The following ARHGEF37 variants were observed in gnomAD, a reference collection of about 807,000 sequenced individuals.
ARHGEF37 encodes Rho guanine nucleotide exchange factor (GEF) 37.
A neutral mutation model predicts 71.1 loss-of-function variants in ARHGEF37; 55 were observed. That is an observed-to-expected ratio of 0.77 (90% CI 0.62 to 0.97). The LOEUF is 0.97. Ranked by LOEUF, ARHGEF37 falls within the 50% of genes least tolerant of loss-of-function variation. The pLI, the probability that ARHGEF37 is intolerant of heterozygous loss-of-function variation, is 0.00. For missense variants in ARHGEF37, 765 were observed against 836.8 expected (o/e 0.91, Z 1.06); for synonymous variants, 327 against 350.6 (o/e 0.93, Z 0.75).
At chr5:149,583,829 C>T (rs1350284485) in intron 1 of ARHGEF37, among the ~76,000 whole-genome samples, 1 of 152,138 alleles carries the variant, frequency 6.6e-6, no homozygotes, top group African/African-American at 2.4e-5. Context: ...GATGCAGTCA[C>T]AACTCACTGC....
chr5:149,624,553 C>T (rs4075281), intron 10 of ARHGEF37, among the ~76,000 whole-genome samples: 57,555 of 152,046 alleles, frequency 0.38, 11,856 homozygotes, highest in Non-Finnish European at 0.47. Flanking sequence ...GTGGGTGGAT[C>T]ACTTGAGGCC....
intron 12 of ARHGEF37, 123 bp from the exon 13 acceptor site, chr5:149,631,859 G>A: frequency 1.1e-6 from 1 of 900,290 alleles, no homozygotes; most frequent in Non-Finnish European, 1.7e-6. Flanking sequence ...CTTGGGAGGT[G>A]ACGAGCATCC....
Position 149,632,089 on chromosome 5 carries a change from G to A in ARHGEF37, c.1926G>A (p.Glu642=), listed in dbSNP as rs1365037970. ...CCCAGGACAAGAAGGGGAACCCTGAGTGGAGCCTGGTGGAAGTGAATGGAC... is the reference window on the plus strand; with the variant it reads ...CCCAGGACAAGAAGGGGAACCCTGAATGGAGCCTGGTGGAAGTGAATGGAC... ...LEAQDKKGNP[E]WSLVEVNGQR... Residue 642 remains glutamate, a synonymous_variant, in exon 13 of 13, where the codon GAG becomes GAA. Transcript: ENST00000333677. 2 of 1,614,162 alleles carry A rather than the reference G, an allele frequency of 1.2e-6. No individual in the cohort carries two copies. The highest frequency in any genetic ancestry group is 1.7e-6 in the Non-Finnish European group (2 of 1,180,062).
At chr5:149,613,349 AT>A (rs34322237) in intron 4 of ARHGEF37, among the ~76,000 whole-genome samples, 79 of 145,174 alleles carry the variant, frequency 5.4e-4, no homozygotes, top group South Asian at 8.7e-4. Context: ...GATAGATAGA[AT>A]TTTTTTTTTT....
intron 1 of ARHGEF37, among the ~76,000 whole-genome samples, chr5:149,575,405 T>A (rs561771554): frequency 2.6e-5 from 4 of 152,306 alleles, no homozygotes; most frequent in Admixed American, 2.0e-4. Context: ...TCTTACCCAA[T>A]AAGATCCCAG....
chr5:149,583,611 T>C (rs1375319344), intron 1 of ARHGEF37, among the ~76,000 whole-genome samples: 1 of 152,242 alleles, frequency 6.6e-6, no homozygotes, highest in Non-Finnish European at 1.5e-5. Flanking sequence ...GTGCCTTGGC[T>C]GATTCTGCCC....
chr5:149,626,673 T>C (rs1450341592), intron 10 of ARHGEF37, among the ~76,000 whole-genome samples: 1 of 152,180 alleles, frequency 6.6e-6, no homozygotes, highest in African/African-American at 2.4e-5. Context: ...TGGCTGGCTA[T>C]TTAAGAAACC....
intron 2 of ARHGEF37, among the ~76,000 whole-genome samples, chr5:149,599,757 A>T (rs1165918767): frequency 3.9e-5 from 6 of 152,236 alleles, no homozygotes; most frequent in Non-Finnish European, 1.5e-5. Flanking sequence ...TTTGAACTCC[A>T]TAAGGGCAAA....
intron 1 of ARHGEF37, among the ~76,000 whole-genome samples, chr5:149,584,144 C>G (rs1763173881): frequency 6.6e-6 from 1 of 152,116 alleles, no homozygotes; most frequent in Non-Finnish European, 1.5e-5. Context: ...TGGATCCAAA[C>G]TTGTGATGAC....
At chr5:149,563,998 C>T (rs1269550930) in intron 1 of ARHGEF37, among the ~76,000 whole-genome samples, 3 of 142,222 alleles carry the variant, frequency 2.1e-5, no homozygotes, top group Non-Finnish European at 4.5e-5. Context: ...TGTCGGCCAG[C>T]CTGGAGTGCA....
At chr5:149,615,465 T>C (rs1752348921) in intron 4 of ARHGEF37, among the ~76,000 whole-genome samples, 1 of 152,154 alleles carries the variant, frequency 6.6e-6, no homozygotes. Flanking sequence ...CACCTAAAAT[T>C]AACAAGTGTT....
chr5:149,598,990 T>C, intron 2 of ARHGEF37, among the ~76,000 whole-genome samples: 1 of 152,086 alleles, frequency 6.6e-6, no homozygotes, highest in East Asian at 1.9e-4. Context: ...TGTGCAGTGC[T>C]GAGCTGGTGT....
At chr5:149,556,143 T>C (rs1160619083) in intron 1 of ARHGEF37, among the ~76,000 whole-genome samples, 1 of 152,046 alleles carries the variant, frequency 6.6e-6, no homozygotes, top group East Asian at 1.9e-4. Context: ...TGCAAGTAAA[T>C]AGAAAAATGG....
At chr5:149,552,793 T>A (rs981038044) in intron 1 of ARHGEF37, among the ~76,000 whole-genome samples, 1 of 152,058 alleles carries the variant, frequency 6.6e-6, no homozygotes, top group Non-Finnish European at 1.5e-5. Context: ...ATCACGCCAC[T>A]GTACTCCAGC....
chr5:149,594,349 G>T (rs1451415294), intron 1 of ARHGEF37, among the ~76,000 whole-genome samples: 2 of 152,236 alleles, frequency 1.3e-5, no homozygotes, highest in Non-Finnish European at 2.9e-5. Context: ...GCTGTGCACA[G>T]GTAGTGAATG....
At chr5:149,585,833 T>C (rs1258492343) in intron 1 of ARHGEF37, among the ~76,000 whole-genome samples, 1 of 152,238 alleles carries the variant, frequency 6.6e-6, no homozygotes, top group Non-Finnish European at 1.5e-5. Flanking sequence ...TTTTTCATTT[T>C]ACATAAAATT....
At chr5:149,616,888 G>C (rs1752398503) in intron 5 of ARHGEF37, 122 bp downstream of exon 5, 1 of 1,036,658 alleles carries the variant, frequency 9.6e-7, no homozygotes, top group African/African-American at 1.6e-5. Context: ...TAAATCCAGA[G>C]GTAATGCAAG....
At chr5:149,560,586 G>C (rs1226145024) in intron 1 of ARHGEF37, among the ~76,000 whole-genome samples, 5 of 152,078 alleles carry the variant, frequency 3.3e-5, no homozygotes, top group East Asian at 1.9e-4. Flanking sequence ...CTTCAATGTT[G>C]TAATCTTTTA....
rs118002514 is a variant in ARHGEF37, at chr5:149,610,164, A to G, written c.458+469A>G. 7.2e-5 allele frequency among the ~76,000 whole-genome samples: 11 copies of G among 152,314 alleles called. No homozygotes were observed. In the East Asian group the frequency reaches 1.9e-3, roughly 27 times the overall value. On this transcript the variant is annotated intron_variant, in intron 4 of 12. Transcript: ENST00000333677. ...GGGCATGCCATCCTACCACATGTCC[A>G]GGGTTGGAGAAGCGGAAACGTTTGG...
Sources: gnomAD v4.1 joint callset for allele counts (sites outside exome capture counted in the v4.1 genomes callset) on GRCh38, gnomAD v4.1.1 for gene constraint, MANE v1.5 for transcripts, NCBI Gene and HGNC (gene_info 2026-07-23, HGNC 2026-07-21) for gene names.